Variants in TLK1 observed in about 807,000 individuals in gnomAD.
TLK1 encodes the protein serine/threonine-protein kinase tousled-like 1.
TLK1 carries 24 observed loss-of-function variants against 105.3 expected under a neutral mutation model. The ratio of observed to expected loss-of-function variants is 0.23; its 90% CI spans 0.17 to 0.32. TLK1 has a LOEUF of 0.32. TLK1 is among the 10% of genes least tolerant of loss of function. The pLI is 1.00. For synonymous variants in TLK1, 321 were observed against 310.4 expected (o/e 1.03, Z -0.36); for missense variants, 558 against 910.5 (o/e 0.61, Z 4.98).
intron 2 of TLK1, among the ~76,000 whole-genome samples, chr2:171,098,030 C>T (rs965684572): frequency 3.3e-5 from 5 of 152,014 alleles, no homozygotes; most frequent in Non-Finnish European, 7.4e-5. Flanking sequence ...CAGTTAAATA[C>T]TGCATGATCT....
chr2:171,196,583 C>A (rs147084546), intron 1 of TLK1, among the ~76,000 whole-genome samples: 15 of 152,226 alleles, frequency 9.9e-5, no homozygotes, highest in African/African-American at 3.4e-4. Flanking sequence ...TTTCTATGTC[C>A]GCTCTCGCAA....
intron 1 of TLK1, among the ~76,000 whole-genome samples, chr2:171,125,085 T>G (rs1234992188): frequency 2.6e-5 from 4 of 152,236 alleles, no homozygotes; most frequent in Non-Finnish European, 5.9e-5. Flanking sequence ...TTTGACTGCT[T>G]CAATAAAATA....
intron 10 of TLK1, 23 bp downstream of exon 10, chr2:171,049,791 T>A: frequency 1.2e-6 from 2 of 1,611,724 alleles, no homozygotes; most frequent in South Asian, 2.2e-5. Context: ...ACTAAAAACT[T>A]TTAAATGTTA....
At chr2:171,111,910 ATAAT>A (rs1475010619) in intron 2 of TLK1, among the ~76,000 whole-genome samples, 5 of 151,968 alleles carry the variant, frequency 3.3e-5, no homozygotes, top group African/African-American at 4.8e-5. Context: ...AAAATCCTAA[ATAAT>A]TAATCATGTA....
intron 1 of TLK1, among the ~76,000 whole-genome samples, chr2:171,180,714 T>G (rs1340718219): frequency 6.6e-6 from 1 of 152,304 alleles, no homozygotes; most frequent in Admixed American, 6.5e-5. Context: ...AATGAGTGAC[T>G]GTTACTGAGA....
chr2:171,134,093 A>C (rs1325186094), intron 1 of TLK1, among the ~76,000 whole-genome samples: 1 of 152,214 alleles, frequency 6.6e-6, no homozygotes, highest in Admixed American at 6.5e-5. Context: ...GCCATGCAGC[A>C]TAACAGTTCT....
chr2:171,063,895 C>T (rs979824737), intron 3 of TLK1, among the ~76,000 whole-genome samples: 3 of 152,136 alleles, frequency 2.0e-5, no homozygotes, highest in African/African-American at 4.8e-5. Flanking sequence ...AGACAACATT[C>T]GTTAAATACT....
intron 3 of TLK1, among the ~76,000 whole-genome samples, chr2:171,062,910 C>T (rs974666790): frequency 6.6e-6 from 1 of 152,298 alleles, no homozygotes; most frequent in South Asian, 2.1e-4. Flanking sequence ...AGGAGGTAGA[C>T]TGATGTACCA....
At chr2:171,040,558 TTC>T (rs2105413075) in intron 11 of TLK1, among the ~76,000 whole-genome samples, 1 of 134,960 alleles carries the variant, frequency 7.4e-6, no homozygotes, top group African/African-American at 2.7e-5. Context: ...ACAAAATATA[TTC>T]CTTTTTTGTT....
At chr2:171,229,503 G>C (rs754357351) in intron 1 of TLK1, among the ~76,000 whole-genome samples, 1 of 152,096 alleles carries the variant, frequency 6.6e-6, no homozygotes, top group Non-Finnish European at 1.5e-5. Context: ...TCTTCCCTCC[G>C]GGTGCCATCC....
In TLK1 at chr2:171,090,414, T is replaced by C. The variant is rs538717757; in HGVS notation, c.259-7562A>G. On this transcript the variant is annotated intron_variant, in intron 2 of 20. Transcript: ENST00000431350. The stretch of plus-strand genomic sequence containing the variant: ...ATTTTTCTCTAGATCATAATCATGT[T>C]ATGGGGATAATCTTTATTTCTTGAT... Among the ~76,000 whole-genome samples, 4 of 151,846 alleles carry C rather than the reference T, an allele frequency of 2.6e-5. No individual in the cohort carries two copies. The South Asian group carries it at 6.2e-4, about 24-fold the overall frequency.
intron 3 of TLK1, among the ~76,000 whole-genome samples, chr2:171,067,633 T>C (rs184007101): frequency 9.9e-5 from 15 of 152,276 alleles, no homozygotes; most frequent in Admixed American, 2.6e-4. Flanking sequence ...ATTATTATAC[T>C]TTAAGTTCTG....
At chr2:171,005,013 C>T (rs1471521080) in intron 18 of TLK1, among the ~76,000 whole-genome samples, 1 of 152,224 alleles carries the variant, frequency 6.6e-6, no homozygotes, top group Admixed American at 6.5e-5. Context: ...TCTATACAGA[C>T]AGTGGCATCG....
chr2:171,132,018 A>C (rs1390327214), intron 1 of TLK1, among the ~76,000 whole-genome samples: 2 of 152,228 alleles, frequency 1.3e-5, no homozygotes, highest in Non-Finnish European at 2.9e-5. Flanking sequence ...CATCCATCCA[A>C]TTCTCAGTTT....
At chr2:171,178,844 T>G (rs537413021) in intron 1 of TLK1, among the ~76,000 whole-genome samples, 2 of 152,228 alleles carry the variant, frequency 1.3e-5, no homozygotes, top group African/African-American at 2.4e-5. Flanking sequence ...CAATTTAACT[T>G]AACATTATCA....
chr2:171,148,065 T>C (rs1691862994), intron 1 of TLK1, among the ~76,000 whole-genome samples: 1 of 152,114 alleles, frequency 6.6e-6, no homozygotes, highest in African/African-American at 2.4e-5. Flanking sequence ...TAATTTTTTG[T>C]ATTTTTACTT....
chr2:171,148,879 T>TAA (rs745504391), intron 1 of TLK1, among the ~76,000 whole-genome samples: 21,327 of 102,990 alleles, frequency 0.21, 2,475 homozygotes, highest in Middle Eastern at 0.3. Flanking sequence ...GACTCTGTCT[T>TAA]AAAAAAAAAA....
At chr2:171,124,172 A>G (rs2105543196) in intron 1 of TLK1, among the ~76,000 whole-genome samples, 1 of 152,338 alleles carries the variant, frequency 6.6e-6, no homozygotes, top group African/African-American at 2.4e-5. Flanking sequence ...GTCCACTCAT[A>G]TTTATGTGGG....
intron 3 of TLK1, among the ~76,000 whole-genome samples, chr2:171,071,248 T>C (rs1333029164): frequency 1.3e-5 from 2 of 152,174 alleles, no homozygotes; most frequent in African/African-American, 4.8e-5. Flanking sequence ...TTGATTGTTT[T>C]CTTTGCTGTG....
Sources: gnomAD v4.1 joint callset for allele counts (sites outside exome capture counted in the v4.1 genomes callset) on GRCh38, gnomAD v4.1.1 for gene constraint, MANE v1.5 for transcripts, NCBI Gene and HGNC (gene_info 2026-07-23, HGNC 2026-07-21) for gene names.